MAST2: variants seen among roughly 807,000 people sequenced by gnomAD.
MAST2 encodes the protein microtubule-associated serine/threonine-protein kinase 2.
Under a neutral mutation model 147.4 loss-of-function variants are expected in MAST2, and 70 were observed. That is an observed-to-expected ratio of 0.47 (90% CI 0.39 to 0.58). The LOEUF (loss-of-function observed/expected upper bound fraction) is 0.58, where lower values mean the gene tolerates loss of function less well. MAST2 is among the 20% of genes least tolerant of loss of function. The probability of loss-of-function intolerance (pLI) is 0.00; values close to 1 mark genes in which losing one functional copy is unlikely to be tolerated. For synonymous variants in MAST2, 869 were observed against 896.8 expected (o/e 0.97, Z 0.55); for missense variants, 2,080 against 2,302.3 (o/e 0.90, Z 1.98).
chr1:45,832,869 C>T (rs1174563552), intron 3 of MAST2, among the ~76,000 whole-genome samples: 1 of 152,110 alleles, frequency 6.6e-6, no homozygotes, highest in African/African-American at 2.4e-5. Context: ...CAGACATGTA[C>T]AGCCATCACT....
Position 45,960,846 on chromosome 1 carries a change from G to A in MAST2, c.592+1369G>A, listed in dbSNP as rs531135354. ...GCCTGGACCTTGTCTGTCTTTGGGC[G>A]TTAAAGCAGGATATCAAAGCAGTGA... On this transcript the variant is annotated intron_variant, in intron 5 of 28. Coordinates refer to ENST00000361297, the MANE Select transcript of MAST2 (RefSeq NM_015112.3). Among the ~76,000 whole-genome samples the A allele has an allele frequency of 5.9e-5, 9 of 152,318 alleles. No homozygotes were observed. In the South Asian group the frequency reaches 6.2e-4, roughly 11 times the overall value.
chr1:45,967,219 G>C (rs142480335), intron 5 of MAST2, among the ~76,000 whole-genome samples: 7,032 of 151,980 alleles, frequency 0.046, 520 homozygotes, highest in African/African-American at 0.16. Context: ...GACTACAGGT[G>C]TGTGCCACCA....
intron 5 of MAST2, among the ~76,000 whole-genome samples, chr1:45,985,006 C>G (rs1178598352): frequency 6.6e-6 from 1 of 151,658 alleles, no homozygotes; most frequent in Admixed American, 6.7e-5. Flanking sequence ...TATTTTTAAA[C>G]AAATGTTACT....
chr1:45,940,168 T>C (rs1657029528), intron 4 of MAST2, among the ~76,000 whole-genome samples: 2 of 151,550 alleles, frequency 1.3e-5, no homozygotes, highest in African/African-American at 2.4e-5. Context: ...AATTTTTGTA[T>C]TTTTAGTAGA....
chr1:45,887,303 G>T (rs1375917182), intron 4 of MAST2, among the ~76,000 whole-genome samples: 1 of 152,172 alleles, frequency 6.6e-6, no homozygotes, highest in Non-Finnish European at 1.5e-5. Context: ...TTTCTTAGAG[G>T]CTATGAGCAG....
intron 5 of MAST2, among the ~76,000 whole-genome samples, chr1:45,967,964 C>T (rs993875516): frequency 6.6e-6 from 1 of 152,126 alleles, no homozygotes; most frequent in Non-Finnish European, 1.5e-5. Flanking sequence ...TAATCACATA[C>T]ATTGTTGCTG....
rs547329980 is a variant in MAST2, at chr1:45,825,323, C to T, written c.325+743C>T. Among the ~76,000 whole-genome samples, 3 of 152,202 alleles carry T rather than the reference C, an allele frequency of 2.0e-5. No homozygotes were observed. In the East Asian group the frequency reaches 5.8e-4, roughly 29 times the overall value. On this transcript the variant is annotated intron_variant, in intron 2 of 28. Coordinates refer to ENST00000361297, the MANE Select transcript of MAST2 (RefSeq NM_015112.3). The stretch of plus-strand genomic sequence containing the variant: ...TACAGGCGTGAGCCACCGCGCCCAG[C>T]CTCTTATATTTAAATTTTTATTTTT...
chr1:45,994,996 G>A (rs1240875825), intron 5 of MAST2, among the ~76,000 whole-genome samples: 1 of 151,866 alleles, frequency 6.6e-6, no homozygotes, highest in Non-Finnish European at 1.5e-5. Context: ...CCGCCACCAC[G>A]CCCGGCTAAT....
At position 45,965,730 on chromosome 1, in the gene MAST2, T is replaced by A. The variant is rs529660299; in HGVS notation, c.592+6253T>A. Among the ~76,000 whole-genome samples, 121 of 152,200 alleles carry A rather than the reference T, an allele frequency of 8.0e-4. 1 individual carries two copies. In the East Asian group the frequency reaches 0.012, roughly 15 times the overall value. On this transcript the variant is annotated intron_variant, in intron 5 of 28. Transcript: ENST00000361297. Reference sequence around the variant, plus strand: ...GAAACTCCCTACCTTATTTTTTTTTTAATTATTTCTTAGAGTAGTTTTAGG... The same window carrying A: ...GAAACTCCCTACCTTATTTTTTTTTAAATTATTTCTTAGAGTAGTTTTAGG...
intron 4 of MAST2, among the ~76,000 whole-genome samples, chr1:45,900,041 G>A (rs565952752): frequency 6.6e-6 from 1 of 151,512 alleles, no homozygotes; most frequent in East Asian, 1.9e-4. Flanking sequence ...ATGGTGGTGT[G>A]CACTTTTAGT....
At chr1:45,974,011 G>T (rs940145085) in intron 5 of MAST2, among the ~76,000 whole-genome samples, 9 of 152,198 alleles carry the variant, frequency 5.9e-5, no homozygotes, top group Non-Finnish European at 1.3e-4. Flanking sequence ...TGCAAAGATG[G>T]GTAGAGAGAT....
At chr1:45,847,324 A>G (rs561981076) in intron 3 of MAST2, 1 of 498,434 alleles carries the variant, frequency 2.0e-6, no homozygotes, top group South Asian at 1.6e-5. Context: ...CTGTTATGTA[A>G]CTCAATCTGC....
chr1:45,971,694 T>G (rs1220509076), intron 5 of MAST2, among the ~76,000 whole-genome samples: 1 of 152,236 alleles, frequency 6.6e-6, no homozygotes, highest in Non-Finnish European at 1.5e-5. Context: ...AGGATTAATT[T>G]GAAGCTTAGT....
chr1:45,876,594 C>T (rs1309838676), intron 3 of MAST2, among the ~76,000 whole-genome samples: 1 of 152,154 alleles, frequency 6.6e-6, no homozygotes, highest in Non-Finnish European at 1.5e-5. Flanking sequence ...AGTACTCTTG[C>T]CTCAGCCAAG....
intron 4 of MAST2, among the ~76,000 whole-genome samples, chr1:45,955,417 T>C (rs1416895749): frequency 2.6e-5 from 4 of 152,108 alleles, no homozygotes; most frequent in Non-Finnish European, 1.5e-5. Flanking sequence ...ATTTTAAAAG[T>C]TTTAAAAAAT....
intron 10 of MAST2, among the ~76,000 whole-genome samples, chr1:46,014,073 C>T (rs973985439): frequency 1.3e-5 from 2 of 151,734 alleles, no homozygotes; most frequent in African/African-American, 4.8e-5. Flanking sequence ...AAATGTGGTA[C>T]AATTTGAAAA....
chr1:45,832,439 T>TG (rs1644987014), intron 3 of MAST2, among the ~76,000 whole-genome samples: 1 of 151,984 alleles, frequency 6.6e-6, no homozygotes, highest in South Asian at 2.1e-4. Context: ...GGATTACAGA[T>TG]GTGTGCCACC....
At chr1:46,010,998 C>A in intron 10 of MAST2, 59 bp downstream of exon 10, 2 of 1,440,652 alleles carry the variant, frequency 1.4e-6, no homozygotes, top group Non-Finnish European at 9.7e-7. Context: ...GATTTGTAAT[C>A]CCAAGCTAAG....
chr1:45,818,062 G>A (rs1291422251), intron 1 of MAST2, among the ~76,000 whole-genome samples: 1 of 152,212 alleles, frequency 6.6e-6, no homozygotes, highest in Non-Finnish European at 1.5e-5. Context: ...TGAGAGGTTA[G>A]GTGAATATGG....
Sources: gnomAD v4.1 joint callset for allele counts (sites outside exome capture counted in the v4.1 genomes callset) on GRCh38, gnomAD v4.1.1 for gene constraint, MANE v1.5 for transcripts, NCBI Gene and HGNC (gene_info 2026-07-23, HGNC 2026-07-21) for gene names.